Variants in PRKCH observed in about 807,000 individuals in gnomAD.
The protein encoded by PRKCH is protein kinase C eta.
A neutral mutation model predicts 82.5 loss-of-function variants in PRKCH; 28 were observed. The ratio of observed to expected loss-of-function variants is 0.34; its 90% confidence interval spans 0.25 to 0.47. The LOEUF (loss-of-function observed/expected upper bound fraction) is 0.47. PRKCH is among the 20% of genes least tolerant of loss of function. The probability of loss-of-function intolerance (pLI) is 1.00; values close to 1 mark genes in which losing one functional copy is unlikely to be tolerated. For missense variants in PRKCH, 705 were observed against 881.8 expected (o/e 0.80, Z 2.54); for synonymous variants, 322 against 327.4 (o/e 0.98, Z 0.18).
chr14:61,468,011 A>C (rs1221934041), intron 9 of PRKCH, among the ~76,000 whole-genome samples: 2 of 152,232 alleles, frequency 1.3e-5, no homozygotes, highest in Non-Finnish European at 2.9e-5. Flanking sequence ...CTGCCAAATA[A>C]TATACAAGCC....
chr14:61,380,173 C>G lies in PRKCH; in HGVS notation c.364-11052C>G, dbSNP rs184674676. ...TCCCAGGCTCAAGTGATCCTCCCACCTCAACCTCCCAAGCAGCTGGGACTA... is the reference window on the plus strand; with the variant it reads ...TCCCAGGCTCAAGTGATCCTCCCACGTCAACCTCCCAAGCAGCTGGGACTA... On this transcript the variant is annotated intron_variant, in intron 1 of 13. Transcript: ENST00000332981. Among the ~76,000 whole-genome samples the G allele has an allele frequency of 2.6e-5, 4 of 152,244 alleles. No individual in the cohort carries two copies. The East Asian group carries it at 7.7e-4, about 29-fold the overall frequency.
chr14:61,313,305 G>A (rs2045538720), intron 1 of PRKCH, among the ~76,000 whole-genome samples: 1 of 152,190 alleles, frequency 6.6e-6, no homozygotes, highest in African/African-American at 2.4e-5. Flanking sequence ...AGAACCAAAT[G>A]AGAAAAGTTA....
At chr14:61,288,892 G>A (rs1337311507) in intron 1 of PRKCH, among the ~76,000 whole-genome samples, 1 of 152,218 alleles carries the variant, frequency 6.6e-6, no homozygotes, top group East Asian at 1.9e-4. Flanking sequence ...TCAGAGATGA[G>A]GGATGTCACA....
chr14:61,486,725 G>A (rs1015211034), intron 10 of PRKCH, among the ~76,000 whole-genome samples: 7 of 149,012 alleles, frequency 4.7e-5, no homozygotes, highest in Non-Finnish European at 8.9e-5. Flanking sequence ...TTTTGGCTAG[G>A]TCGGTCTTGA....
intron 1 of PRKCH, among the ~76,000 whole-genome samples, chr14:61,266,322 G>T (rs2045100532): frequency 6.6e-6 from 1 of 152,004 alleles, no homozygotes; most frequent in East Asian, 1.9e-4. Flanking sequence ...GGAGGCTGAG[G>T]TAGGAGAATC....
chr14:61,402,403 A>C (rs982844424), intron 2 of PRKCH, among the ~76,000 whole-genome samples: 1 of 152,230 alleles, frequency 6.6e-6, no homozygotes, highest in African/African-American at 2.4e-5. Flanking sequence ...AAATCTATTA[A>C]AATTATATTT....
chr14:61,221,306 T>C (rs1566785330), intron 1 of PRKCH, among the ~76,000 whole-genome samples: 1 of 152,178 alleles, frequency 6.6e-6, no homozygotes, highest in Non-Finnish European at 1.5e-5. Flanking sequence ...GGATTTCCCA[T>C]TAAATTAACA....
At chr14:61,360,168 C>T (rs1267974552) in intron 1 of PRKCH, among the ~76,000 whole-genome samples, 2 of 152,128 alleles carry the variant, frequency 1.3e-5, no homozygotes, top group African/African-American at 2.4e-5. Context: ...AGGAATATGT[C>T]GTGAGTAAAT....
At chr14:61,371,597 C>T (rs915784625) in intron 1 of PRKCH, among the ~76,000 whole-genome samples, 1 of 152,028 alleles carries the variant, frequency 6.6e-6, no homozygotes, top group Non-Finnish European at 1.5e-5. Flanking sequence ...GGCATAGTAC[C>T]ACATTTCATT....
At chr14:61,369,978 G>C (rs1450752095) in intron 1 of PRKCH, among the ~76,000 whole-genome samples, 5 of 151,234 alleles carry the variant, frequency 3.3e-5, no homozygotes, top group African/African-American at 9.8e-5. Flanking sequence ...ATTTCTTTTT[G>C]AGACAGAGTC....
chr14:61,367,955 C>A (rs2046318659), intron 1 of PRKCH, among the ~76,000 whole-genome samples: 1 of 151,892 alleles, frequency 6.6e-6, no homozygotes, highest in Non-Finnish European at 1.5e-5. Flanking sequence ...ACCTCGTGAT[C>A]CGCCTGCCTT....
chr14:61,300,757 T>C (rs900196610), intron 1 of PRKCH, among the ~76,000 whole-genome samples: 1 of 152,106 alleles, frequency 6.6e-6, no homozygotes, highest in African/African-American at 2.4e-5. Context: ...CACGGGTGAA[T>C]GGCTGGCAGC....
At chr14:61,462,713 G>C (rs1456552134) in intron 9 of PRKCH, among the ~76,000 whole-genome samples, 1 of 152,214 alleles carries the variant, frequency 6.6e-6, no homozygotes, top group African/African-American at 2.4e-5. Flanking sequence ...GCTAATCAGT[G>C]TGTAATGCTG....
At chr14:61,517,081 T>C (rs2042839038) in intron 10 of PRKCH, among the ~76,000 whole-genome samples, 1 of 152,140 alleles carries the variant, frequency 6.6e-6, no homozygotes, top group South Asian at 2.1e-4. Flanking sequence ...GTACTGATTC[T>C]AGTGGGCAGG....
chr14:61,393,620 C>T (rs1224473470), intron 2 of PRKCH, among the ~76,000 whole-genome samples: 2 of 152,224 alleles, frequency 1.3e-5, no homozygotes, highest in African/African-American at 4.8e-5. Context: ...CTTAGAGTTT[C>T]CCTTGCACAT....
intron 7 of PRKCH, among the ~76,000 whole-genome samples, chr14:61,456,627 G>T (rs990326548): frequency 6.6e-6 from 1 of 152,062 alleles, no homozygotes; most frequent in Admixed American, 6.5e-5. Context: ...TTTGGCAGAG[G>T]GCTGGTGAGA....
intron 1 of PRKCH, among the ~76,000 whole-genome samples, chr14:61,290,706 A>G (rs2045353548): frequency 3.3e-5 from 5 of 152,258 alleles, no homozygotes; most frequent in Admixed American, 3.3e-4. Flanking sequence ...GCTGTCCTTC[A>G]CATAATCCTC....
intron 2 of PRKCH, among the ~76,000 whole-genome samples, chr14:61,413,362 T>C (rs1470659312): frequency 6.8e-6 from 1 of 146,392 alleles, no homozygotes; most frequent in African/African-American, 2.5e-5. Context: ...TTTTCTCCCA[T>C]TCCCTTCAGT....
chr14:61,515,930 A>G (rs955696798), intron 10 of PRKCH, among the ~76,000 whole-genome samples: 6 of 152,130 alleles, frequency 3.9e-5, no homozygotes, highest in African/African-American at 1.2e-4. Flanking sequence ...CCTAATTCAC[A>G]TTAAGTAACT....
Sources: allele counts gnomAD v4.1 joint callset (sites outside exome capture counted in the v4.1 genomes callset), GRCh38; gene constraint gnomAD v4.1.1; transcripts MANE v1.5; gene names NCBI Gene and HGNC (gene_info 2026-07-23, HGNC 2026-07-21).